PTCHD4: variants seen among roughly 807,000 people sequenced by gnomAD.
PTCHD4 encodes patched domain containing 4.
PTCHD4 carries 33 observed loss-of-function variants against 58.1 expected under a neutral mutation model. That is an observed-to-expected ratio of 0.57 (90% CI 0.43 to 0.76). PTCHD4 has a LOEUF of 0.76. Ranked by LOEUF, PTCHD4 falls within the 30% of genes least tolerant of loss-of-function variation. PTCHD4 has a pLI of 0.00. For missense variants in PTCHD4, 1,058 were observed against 1,027.1 expected (o/e 1.03, Z -0.41); for synonymous variants, 478 against 409.6 (o/e 1.17, Z -2.02).
intron 4 of PTCHD4, among the ~76,000 whole-genome samples, chr6:47,931,231 C>T (rs1244342159): frequency 6.6e-6 from 1 of 152,236 alleles, no homozygotes. Flanking sequence ...GAGGGGGCTG[C>T]AGCCATGTCT....
At chr6:47,999,665 C>A (rs1268864890) in intron 4 of PTCHD4, among the ~76,000 whole-genome samples, 1 of 152,160 alleles carries the variant, frequency 6.6e-6, no homozygotes, top group Non-Finnish European at 1.5e-5. Flanking sequence ...CTTCTCAAAA[C>A]TACTGACCCA....
At chr6:48,007,936 G>GCGCGCACA (rs935818683) in intron 4 of PTCHD4, among the ~76,000 whole-genome samples, 7 of 150,352 alleles carry the variant, frequency 4.7e-5, no homozygotes, top group African/African-American at 1.7e-4. Flanking sequence ...GTGCGCGCGC[G>GCGCGCACA]CACACACACA....
intron 4 of PTCHD4, among the ~76,000 whole-genome samples, chr6:47,977,924 C>T (rs1767755174): frequency 6.6e-6 from 1 of 152,278 alleles, no homozygotes; most frequent in South Asian, 2.1e-4. Flanking sequence ...TCTCGACTAA[C>T]ATGTTGAAGC....
At chr6:48,033,879 T>C (rs1027087672) in intron 3 of PTCHD4, among the ~76,000 whole-genome samples, 1 of 152,106 alleles carries the variant, frequency 6.6e-6, no homozygotes, top group African/African-American at 2.4e-5. Context: ...TGATAATGTG[T>C]TAGACAATAG....
intron 4 of PTCHD4, among the ~76,000 whole-genome samples, chr6:47,975,896 TAAAC>T (rs1561986590): frequency 6.6e-6 from 1 of 152,208 alleles, no homozygotes; most frequent in Admixed American, 6.5e-5. Context: ...GATGGGTTCT[TAAAC>T]AAGTGTTCCA....
chr6:48,079,669 T>C (rs1363263375), intron 1 of PTCHD4, among the ~76,000 whole-genome samples: 1 of 151,066 alleles, frequency 6.6e-6, no homozygotes, highest in South Asian at 2.1e-4. Context: ...AGAATGAAAA[T>C]ACCTTGTGAC....
chr6:48,013,108 T>A (rs142335376), intron 3 of PTCHD4, among the ~76,000 whole-genome samples: 1,577 of 151,986 alleles, frequency 0.01, 30 homozygotes, highest in African/African-American at 0.036. Flanking sequence ...TAGGGAGGAG[T>A]CCCTCTTTTT....
At chr6:47,950,492 G>T (rs1357935731) in intron 4 of PTCHD4, among the ~76,000 whole-genome samples, 1 of 152,074 alleles carries the variant, frequency 6.6e-6, no homozygotes, top group African/African-American at 2.4e-5. Context: ...GAAAGATGAG[G>T]ATAAAGAATC....
intron 3 of PTCHD4, among the ~76,000 whole-genome samples, chr6:48,056,696 G>A (rs1468350349): frequency 2.0e-5 from 3 of 152,180 alleles, no homozygotes. Flanking sequence ...GGCCCTTGCA[G>A]ACCTTCACCT....
chr6:47,945,093 T>A (rs1031735475), intron 4 of PTCHD4, among the ~76,000 whole-genome samples: 10 of 152,076 alleles, frequency 6.6e-5, no homozygotes, highest in African/African-American at 2.4e-4. Context: ...ATACGATGGG[T>A]AATTGGCAAG....
rs570059579 is a variant in PTCHD4, at chr6:47,871,917, A to C, written c.*6386T>G. Among the ~76,000 whole-genome samples the C allele has an allele frequency of 6.6e-6, 1 of 151,680 alleles. No individual in the cohort carries two copies. The highest frequency in any genetic ancestry group is 1.5e-5 in the Non-Finnish European group (1 of 67,744). On this transcript the variant is annotated 3_prime_UTR_variant, in exon 5 of 5. Transcript: ENST00000339488. ...TGACTAGTTTAAGGTCTAGTTTATCAGTTTGTAGCACATTTATGTTTGTGA... is the reference window on the plus strand; with the variant it reads ...TGACTAGTTTAAGGTCTAGTTTATCCGTTTGTAGCACATTTATGTTTGTGA...
intron 4 of PTCHD4, among the ~76,000 whole-genome samples, chr6:47,990,818 G>T (rs954590826): frequency 2.0e-5 from 3 of 152,046 alleles, no homozygotes; most frequent in African/African-American, 7.2e-5. Flanking sequence ...GCAACTCCAA[G>T]AAGAACTAAA....
At chr6:47,939,258 A>G (rs1036603460) in intron 4 of PTCHD4, among the ~76,000 whole-genome samples, 1 of 152,188 alleles carries the variant, frequency 6.6e-6, no homozygotes, top group African/African-American at 2.4e-5. Context: ...TAAAACTCAG[A>G]TTACTAAACC....
At chr6:47,900,065 T>C (rs1200522747) in intron 4 of PTCHD4, 1 of 152,244 alleles carries the variant, frequency 6.6e-6, no homozygotes, top group African/African-American at 2.4e-5. Flanking sequence ...GTCTACCTTT[T>C]GCCATTATGA....
intron 4 of PTCHD4, among the ~76,000 whole-genome samples, chr6:47,916,749 T>C (rs1159170872): frequency 6.6e-6 from 1 of 152,152 alleles, no homozygotes; most frequent in African/African-American, 2.4e-5. Context: ...TAATGGCTAA[T>C]GGGCCACAAA....
intron 4 of PTCHD4, among the ~76,000 whole-genome samples, chr6:47,902,672 G>A (rs1386201678): frequency 6.6e-6 from 1 of 152,000 alleles, no homozygotes; most frequent in Non-Finnish European, 1.5e-5. Flanking sequence ...TCTTACTGTG[G>A]CCTCCTTTTA....
At chr6:47,883,029 T>TAGA (rs1415162869) in intron 4 of PTCHD4, among the ~76,000 whole-genome samples, 1 of 151,894 alleles carries the variant, frequency 6.6e-6, no homozygotes, top group Non-Finnish European at 1.5e-5. Context: ...TAGATCTTTT[T>TAGA]ATTACTTATT....
chr6:47,864,058 T>C lies in PTCHD4; in HGVS notation c.*14245A>G, dbSNP rs995962927. The stretch of plus-strand genomic sequence containing the variant: ...AATCCAACTATTCTCAGAATGTCTG[T>C]TGCTGTTCACAAACTTAGATTTCAG... On this transcript the variant is annotated 3_prime_UTR_variant, in exon 5 of 5. Coordinates refer to ENST00000339488, the MANE Select transcript of PTCHD4 (RefSeq NM_001384253.1). Among the ~76,000 whole-genome samples the C allele has an allele frequency of 6.6e-6, 1 of 151,978 alleles. No homozygotes were observed. The highest frequency in any genetic ancestry group is 2.4e-5 in the African/African-American group (1 of 41,418).
intron 3 of PTCHD4, among the ~76,000 whole-genome samples, chr6:48,046,890 C>T (rs779862435): frequency 1.3e-5 from 2 of 151,784 alleles, no homozygotes; most frequent in Non-Finnish European, 2.9e-5. Flanking sequence ...ATAAGTAGAT[C>T]AGGTTATATT....
Sources: gnomAD v4.1 joint callset for allele counts (sites outside exome capture counted in the v4.1 genomes callset) on GRCh38, gnomAD v4.1.1 for gene constraint, MANE v1.5 for transcripts, NCBI Gene and HGNC (gene_info 2026-07-23, HGNC 2026-07-21) for gene names.